Variants in DGKB observed in about 807,000 individuals in gnomAD.
DGKB encodes the protein 90 kDa diacylglycerol kinase.
DGKB carries 67 observed loss-of-function variants against 114.3 expected under a neutral mutation model. The ratio of observed to expected loss-of-function variants is 0.59; its 90% CI spans 0.48 to 0.72. The LOEUF (loss-of-function observed/expected upper bound fraction) is 0.72, where lower values mean the gene tolerates loss of function less well. Ranked by LOEUF, DGKB falls within the 30% of genes least tolerant of loss-of-function variation. The pLI is 0.00. For synonymous variants in DGKB, 398 were observed against 323.1 expected, an observed-to-expected ratio of 1.23 and a Z score of -2.49; for missense variants, 907 against 975.2, an observed-to-expected ratio of 0.93 and a Z score of 0.93.
intron 23 of DGKB, among the ~76,000 whole-genome samples, chr7:14,265,721 A>G (rs1797413693): frequency 6.6e-6 from 1 of 152,140 alleles, no homozygotes; most frequent in Non-Finnish European, 1.5e-5. Context: ...CTGTTTTTCA[A>G]TATACCCTCA....
chr7:14,638,463 T>A (rs568237101), intron 13 of DGKB, among the ~76,000 whole-genome samples: 3 of 152,304 alleles, frequency 2.0e-5, no homozygotes, highest in South Asian at 4.1e-4. Flanking sequence ...CTGTCTGATA[T>A]ATTTTTTCTT....
intron 20 of DGKB, among the ~76,000 whole-genome samples, chr7:14,517,104 G>A (rs1788932471): frequency 6.6e-6 from 1 of 151,904 alleles, no homozygotes; most frequent in African/African-American, 2.4e-5. Flanking sequence ...CTACAAAAAC[G>A]AACACATATA....
chr7:14,729,188 T>C (rs868048209), intron 5 of DGKB, among the ~76,000 whole-genome samples: 3 of 143,562 alleles, frequency 2.1e-5, no homozygotes, highest in South Asian at 2.3e-4. Context: ...AGTGGCGCCA[T>C]CTCGGCTCAC....
At chr7:14,949,869 G>T (rs1353870679) in intron 1 of DGKB, among the ~76,000 whole-genome samples, 2 of 151,478 alleles carry the variant, frequency 1.3e-5, no homozygotes, top group African/African-American at 4.9e-5. Context: ...ACCAAACACT[G>T]CATGTTCTCA....
intron 23 of DGKB, among the ~76,000 whole-genome samples, chr7:14,180,390 TTTTAA>T (rs1263907645): frequency 4.6e-5 from 7 of 152,316 alleles, no homozygotes; most frequent in East Asian, 1.9e-4. Flanking sequence ...TTTTTCTTTC[TTTTAA>T]TTTGTCTTTG....
chr7:14,720,316 T>G (rs770576786), intron 5 of DGKB, among the ~76,000 whole-genome samples: 69 of 152,048 alleles, frequency 4.5e-4, no homozygotes, highest in Non-Finnish European at 7.9e-4. Flanking sequence ...TTTTTTTATT[T>G]TTTTGAGATG....
At chr7:14,609,182 G>C (rs1805068340) in intron 16 of DGKB, among the ~76,000 whole-genome samples, 1 of 151,950 alleles carries the variant, frequency 6.6e-6, no homozygotes, top group Non-Finnish European at 1.5e-5. Flanking sequence ...GCATGGTACT[G>C]GTATAAAACC....
At chr7:14,863,061 C>T (rs978803169) in intron 1 of DGKB, among the ~76,000 whole-genome samples, 3 of 151,794 alleles carry the variant, frequency 2.0e-5, no homozygotes, top group African/African-American at 7.3e-5. Context: ...TGGTGGAGGG[C>T]TGAAATTAAA....
At chr7:14,204,419 A>G (rs1786411009) in intron 23 of DGKB, among the ~76,000 whole-genome samples, 1 of 152,014 alleles carries the variant, frequency 6.6e-6, no homozygotes, top group South Asian at 2.1e-4. Flanking sequence ...TTCTGTGTCT[A>G]TGTGGGTTAA....
At chr7:14,265,901 T>C (rs1200261553) in intron 23 of DGKB, among the ~76,000 whole-genome samples, 1 of 152,200 alleles carries the variant, frequency 6.6e-6, no homozygotes. Flanking sequence ...TTGGGGTGTT[T>C]ATGTGAATTT....
At chr7:14,868,096 A>G (rs572378308) in intron 1 of DGKB, among the ~76,000 whole-genome samples, 3 of 152,204 alleles carry the variant, frequency 2.0e-5, no homozygotes, top group African/African-American at 7.2e-5. Flanking sequence ...CATCATCAAC[A>G]TATGTCCATG....
At chr7:14,513,528 G>C (rs1429899339) in intron 20 of DGKB, among the ~76,000 whole-genome samples, 1 of 151,898 alleles carries the variant, frequency 6.6e-6, no homozygotes, top group Non-Finnish European at 1.5e-5. Context: ...TTAGCACTCA[G>C]ATAATTATTA....
chr7:14,955,305 A>C (rs1325814408), intron 1 of DGKB, among the ~76,000 whole-genome samples: 13 of 152,050 alleles, frequency 8.5e-5, no homozygotes, highest in Admixed American at 8.5e-4. Flanking sequence ...AATTCTTGCC[A>C]AAATTAGTGC....
intron 23 of DGKB, among the ~76,000 whole-genome samples, chr7:14,278,087 G>T (rs1049808894): frequency 6.6e-6 from 1 of 152,122 alleles, no homozygotes; most frequent in Non-Finnish European, 1.5e-5. Context: ...AATGTCTACA[G>T]ATTCAGTGCA....
rs557921385 is a variant in DGKB at position 14,529,978 on chromosome 7, C to T, written c.1770+44234G>A. On this transcript the variant is annotated intron_variant, in intron 20 of 25. Coordinates refer to ENST00000402815, the MANE Select transcript of DGKB (RefSeq NM_001350709.2). ...AAAGTTGTTACTCTTTTGACCTGAG[C>T]AGCTACTCATAAAGTGAAATCAAAA... Among the ~76,000 whole-genome samples the T allele has an allele frequency of 2.6e-3, 394 of 151,802 alleles. 1 individual carries two copies. The highest frequency in any genetic ancestry group is 8.8e-3 in the African/African-American group (367 of 41,506).
intron 25 of DGKB, among the ~76,000 whole-genome samples, chr7:14,170,676 T>C (rs925222886): frequency 6.6e-6 from 1 of 152,204 alleles, no homozygotes; most frequent in Non-Finnish European, 1.5e-5. Context: ...TTTAATGTTA[T>C]GATCATTTTA....
chr7:14,383,169 G>C (rs1029440675), intron 21 of DGKB, among the ~76,000 whole-genome samples: 3 of 152,052 alleles, frequency 2.0e-5, no homozygotes, highest in African/African-American at 7.2e-5. Flanking sequence ...ATAATGGATT[G>C]TTTTAATCTC....
chr7:14,897,876 C>A (rs1174493964), intron 1 of DGKB, among the ~76,000 whole-genome samples: 2 of 151,954 alleles, frequency 1.3e-5, no homozygotes, highest in East Asian at 3.9e-4. Context: ...CTACCTATTC[C>A]TTCAGCGGAT....
At chr7:14,954,458 T>C (rs1310556160) in intron 1 of DGKB, among the ~76,000 whole-genome samples, 4 of 152,082 alleles carry the variant, frequency 2.6e-5, no homozygotes, top group Non-Finnish European at 4.4e-5. Context: ...AAATCATTAA[T>C]GATTTCAGCA....
Sources: gnomAD v4.1 joint callset for allele counts (sites outside exome capture counted in the v4.1 genomes callset) on GRCh38, gnomAD v4.1.1 for gene constraint, MANE v1.5 for transcripts, NCBI Gene and HGNC (gene_info 2026-07-23, HGNC 2026-07-21) for gene names.